The following ADRA1B variants were observed in gnomAD, a reference collection of about 807,000 sequenced individuals.
ADRA1B encodes the protein adrenoceptor alpha 1B.
In ADRA1B, 17 loss-of-function variants were observed where a neutral mutation model predicts 17.9. That is an observed-to-expected ratio of 0.95 (90% CI 0.65 to 1.42). ADRA1B has a LOEUF of 1.42. ADRA1B is among the 40% of genes most tolerant of loss of function. The pLI, the probability that ADRA1B is intolerant of heterozygous loss-of-function variation, is 0.00. For missense variants in ADRA1B, 681 were observed against 722.1 expected (o/e 0.94, Z 0.65); for synonymous variants, 366 against 327.6 (o/e 1.12, Z -1.27).
chr5:159,969,902 T>C (rs1755837420), intron 1 of ADRA1B, among the ~76,000 whole-genome samples: 1 of 151,332 alleles, frequency 6.6e-6, no homozygotes, highest in Non-Finnish European at 1.5e-5. Context: ...TATTTTCTCA[T>C]CTTTACACAG....
chr5:159,868,412 G>C (rs1199987349), intron 1 of ADRA1B: 2 of 152,188 alleles, frequency 1.3e-5, no homozygotes, highest in East Asian at 3.9e-4. Context: ...AACAAGAGTT[G>C]AGCTAGGTGT....
intron 1 of ADRA1B, among the ~76,000 whole-genome samples, chr5:159,956,621 A>T (rs1169437794): frequency 6.6e-6 from 1 of 152,194 alleles, no homozygotes; most frequent in African/African-American, 2.4e-5. Flanking sequence ...GGAAAGCATT[A>T]CTGCAATTTT....
At position 159,972,339 on chromosome 5, in the gene ADRA1B, G is replaced by T; in HGVS notation, c.1410G>T (p.Ser470=). 1 of 1,466,010 alleles carries T rather than the reference G, an allele frequency of 6.8e-7. No homozygotes were observed. The highest frequency in any genetic ancestry group is 9.0e-7 in the Non-Finnish European group (1 of 1,115,104). 90.8% of individuals were successfully genotyped at this position (1,466,010 alleles called of 1,614,324 possible). ...CCGGCCGCCGCGGCCGCCACGACTCGGGCCCGCTCTTCACCTTCAAGCTCC... is the reference window on the plus strand; with the variant it reads ...CCGGCCGCCGCGGCCGCCACGACTCTGGCCCGCTCTTCACCTTCAAGCTCC... The part of the protein sequence containing the change: ...EPPGRRGRHD[S]GPLFTFKLLT... The change falls in exon 2 of 2, where the codon TCG becomes TCT. Residue 470 remains serine, a synonymous_variant. Transcript: ENST00000306675.
chr5:159,976,581 G>T (rs901317870), downstream of ADRA1B, among the ~76,000 whole-genome samples: 1 of 150,422 alleles, frequency 6.6e-6, no homozygotes. Context: ...GCAGGTAATC[G>T]CCTGAACCTG....
chr5:159,883,817 G>A (rs1055788934), intron 1 of ADRA1B, among the ~76,000 whole-genome samples: 1 of 152,218 alleles, frequency 6.6e-6, no homozygotes, highest in Non-Finnish European at 1.5e-5. Flanking sequence ...ACTGGTTCTT[G>A]AGAGAACTCC....
chr5:159,914,316 CAGA>C (rs1754256647), upstream of ADRA1B, among the ~76,000 whole-genome samples: 1 of 151,552 alleles, frequency 6.6e-6, no homozygotes, highest in East Asian at 2.0e-4. Context: ...GCTGCAGGAG[CAGA>C]AGGAGCACTG....
chr5:159,886,800 T>C (rs1435481943), intron 1 of ADRA1B, among the ~76,000 whole-genome samples: 1 of 152,178 alleles, frequency 6.6e-6, no homozygotes, highest in Non-Finnish European at 1.5e-5. Flanking sequence ...GTTCAGTTAC[T>C]CGCCAGCTGA....
chr5:159,916,949 C>T lies in ADRA1B; in HGVS notation c.44C>T (p.Ala15Val), dbSNP rs1197613042. The T allele has an allele frequency of 1.9e-6, 3 of 1,614,002 alleles. No homozygotes were observed. In the African/African-American group the frequency reaches 4.0e-5, roughly 22 times the overall value. The change falls in exon 1 of 2, where the codon GCC becomes GTC. Residue 15 changes from alanine (A) to valine (V), a missense_variant. Around this residue, in one of 3 missense-constraint regions of ADRA1B, gnomAD observed 424 missense variants for 480.2 expected, o/e 0.88. Transcript: ENST00000306675. ...LDTGHNTSAP[A>V]HWGELKNANF... Reference sequence around the variant, plus strand: ...ACCGGCCACAACACATCAGCACCTGCCCACTGGGGAGAGTTGAAAAATGCC... The same window carrying T: ...ACCGGCCACAACACATCAGCACCTGTCCACTGGGGAGAGTTGAAAAATGCC...
At chr5:159,920,796 G>T (rs1283591880) in intron 1 of ADRA1B, among the ~76,000 whole-genome samples, 2 of 152,186 alleles carry the variant, frequency 1.3e-5, no homozygotes, top group African/African-American at 4.8e-5. Context: ...AGCAAAAGCA[G>T]CATGATATAG....
intron 1 of ADRA1B, among the ~76,000 whole-genome samples, chr5:159,939,334 C>CGT (rs1407645439): frequency 1.7e-5 from 2 of 117,980 alleles, no homozygotes; most frequent in Admixed American, 1.6e-4. Context: ...CGCGCGCGCG[C>CGT]GCACACAATG....
downstream of ADRA1B, among the ~76,000 whole-genome samples, chr5:159,976,205 C>G (rs927823754): frequency 6.6e-6 from 1 of 152,166 alleles, no homozygotes; most frequent in Non-Finnish European, 1.5e-5. Flanking sequence ...TAGCTATTAA[C>G]AGAGGTAGTC....
At chr5:159,983,915 T>C in the ADRA1B span, among the ~76,000 whole-genome samples, 1 of 152,072 alleles carries the variant, frequency 6.6e-6, no homozygotes, top group Admixed American at 6.6e-5. Context: ...CTTGCTGCCA[T>C]CCACTGAAGA....
chr5:159,877,568 G>A (rs1425825121), intron 1 of ADRA1B, among the ~76,000 whole-genome samples: 5 of 152,164 alleles, frequency 3.3e-5, no homozygotes, highest in African/African-American at 1.2e-4. Flanking sequence ...ACTCTGAGCA[G>A]CCACTAGGGC....
At chr5:159,883,774 T>C (rs1205148976) in intron 1 of ADRA1B, among the ~76,000 whole-genome samples, 1 of 152,240 alleles carries the variant, frequency 6.6e-6, no homozygotes, top group African/African-American at 2.4e-5. Flanking sequence ...CAATGAACCA[T>C]AATTCACTTT....
chr5:159,900,498 T>C (rs1754090048), intron 1 of ADRA1B, among the ~76,000 whole-genome samples: 1 of 152,220 alleles, frequency 6.6e-6, no homozygotes, highest in African/African-American at 2.4e-5. Flanking sequence ...AGAATCTGTT[T>C]TCTTTTATAT....
At chr5:159,872,854 C>T (rs1753763162) in intron 1 of ADRA1B, among the ~76,000 whole-genome samples, 1 of 152,142 alleles carries the variant, frequency 6.6e-6, no homozygotes, top group Non-Finnish European at 1.5e-5. Context: ...GTTTGCTGCA[C>T]CTATCAACCC....
At chr5:159,944,767 A>T (rs1173321562) in intron 1 of ADRA1B, among the ~76,000 whole-genome samples, 5 of 152,178 alleles carry the variant, frequency 3.3e-5, no homozygotes. Context: ...TGGAAATTGA[A>T]ATTCAGACAG....
rs116784409 is a variant in ADRA1B at position 159,941,003 on chromosome 5, G to A, written c.949+23149G>A. Among the ~76,000 whole-genome samples, 1,328 of 152,272 alleles carry A rather than the reference G, an allele frequency of 8.7e-3. 19 individuals carry two copies. Among genetic ancestry groups the A allele is most frequent in the African/African-American group, 0.03 (1,244 of 41,556 alleles). On this transcript the variant is annotated intron_variant, in intron 1 of 1. Transcript: ENST00000306675. ...TGAATTTCTTCTCTGTGTTGTCTGT[G>A]ACAAGAGCTAACTTGGAGTTGCAAG...
At chr5:159,948,430 T>C (rs1332847953) in intron 1 of ADRA1B, 6 of 985,328 alleles carry the variant, frequency 6.1e-6, no homozygotes, top group Non-Finnish European at 6.0e-6. Context: ...ACAAAGCGTT[T>C]TTCAACAGAA....
Sources: allele counts gnomAD v4.1 joint callset (sites outside exome capture counted in the v4.1 genomes callset), GRCh38; gene constraint gnomAD v4.1.1; regional missense constraint gnomAD v4.1.1; transcripts MANE v1.5; gene names NCBI Gene and HGNC (gene_info 2026-07-23, HGNC 2026-07-21).